CACNA2D3: variants seen among roughly 807,000 people sequenced by gnomAD.
CACNA2D3 encodes the protein voltage-dependent calcium channel subunit alpha-2/delta-3.
A neutral mutation model predicts 160.6 loss-of-function variants in CACNA2D3; 60 were observed. The ratio of observed to expected loss-of-function variants is 0.37; its 90% CI spans 0.30 to 0.46. The LOEUF is 0.46. Ranked by LOEUF, CACNA2D3 falls within the 20% of genes least tolerant of loss-of-function variation. The probability of loss-of-function intolerance (pLI) is 1.00; values close to 1 mark genes in which losing one functional copy is unlikely to be tolerated. For synonymous variants in CACNA2D3, 558 were observed against 492.9 expected, an observed-to-expected ratio of 1.13 and a Z score of -1.75; for missense variants, 1,205 against 1,365.0, an observed-to-expected ratio of 0.88 and a Z score of 1.85.
intron 35 of CACNA2D3, among the ~76,000 whole-genome samples, chr3:55,021,304 GTTTTC>G (rs1703438567): frequency 6.6e-6 from 1 of 151,888 alleles, no homozygotes; most frequent in African/African-American, 2.4e-5. Context: ...TGTTGATAGT[GTTTTC>G]TTTTGATTAA....
chr3:54,131,632 A>T (rs1175037926), intron 2 of CACNA2D3, among the ~76,000 whole-genome samples: 1 of 152,216 alleles, frequency 6.6e-6, no homozygotes, highest in Non-Finnish European at 1.5e-5. Flanking sequence ...AACAAGAGAG[A>T]CTTGGAATTT....
At chr3:54,642,919 C>G (rs1699554380) in intron 11 of CACNA2D3, among the ~76,000 whole-genome samples, 1 of 152,148 alleles carries the variant, frequency 6.6e-6, no homozygotes, top group Admixed American at 6.6e-5. Context: ...CCCCACCCCT[C>G]CAGCAGCAAA....
At chr3:54,251,811 G>A (rs1462236717) in intron 2 of CACNA2D3, among the ~76,000 whole-genome samples, 2 of 152,214 alleles carry the variant, frequency 1.3e-5, no homozygotes, top group African/African-American at 2.4e-5. Flanking sequence ...CTGGTTCCCA[G>A]AGGCTAGTTA....
At chr3:54,926,491 C>T (rs1701021671) in intron 27 of CACNA2D3, among the ~76,000 whole-genome samples, 1 of 140,670 alleles carries the variant, frequency 7.1e-6, no homozygotes, top group South Asian at 2.4e-4. Flanking sequence ...TACTGTGCTC[C>T]ACTGCCTGTC....
intron 35 of CACNA2D3, among the ~76,000 whole-genome samples, chr3:55,055,266 T>C (rs1011998147): frequency 1.3e-5 from 2 of 152,098 alleles, no homozygotes; most frequent in African/African-American, 4.8e-5. Flanking sequence ...AGTTTCATTC[T>C]TTTGCAAGTG....
intron 35 of CACNA2D3, among the ~76,000 whole-genome samples, chr3:55,058,272 A>G (rs1704415133): frequency 6.6e-6 from 1 of 152,196 alleles, no homozygotes; most frequent in African/African-American, 2.4e-5. Flanking sequence ...AAGCTACAAG[A>G]TATATTATTC....
intron 35 of CACNA2D3, among the ~76,000 whole-genome samples, chr3:55,030,376 A>G (rs1703663390): frequency 6.6e-6 from 1 of 152,196 alleles, no homozygotes; most frequent in Admixed American, 6.5e-5. Flanking sequence ...AGGCTGTGCT[A>G]ATCAGTCTTT....
chr3:54,413,381 T>C (rs1026444399), intron 4 of CACNA2D3, among the ~76,000 whole-genome samples: 1 of 148,508 alleles, frequency 6.7e-6, no homozygotes, highest in Non-Finnish European at 1.5e-5. Flanking sequence ...AGGATGTTTC[T>C]AGATGCATAT....
intron 12 of CACNA2D3, among the ~76,000 whole-genome samples, chr3:54,753,125 T>A (rs1227083984): frequency 6.6e-6 from 1 of 152,220 alleles, no homozygotes; most frequent in East Asian, 1.9e-4. Context: ...CCTCCCAAAG[T>A]GGCCTCATTA....
At chr3:54,829,252 G>A (rs144947588) in intron 14 of CACNA2D3, among the ~76,000 whole-genome samples, 31 of 152,258 alleles carry the variant, frequency 2.0e-4, no homozygotes, top group African/African-American at 7.5e-4. Context: ...TATCTCTACT[G>A]GGGGTGTGTC....
At chr3:54,829,666 A>G (rs1396041403) in intron 14 of CACNA2D3, among the ~76,000 whole-genome samples, 2 of 151,838 alleles carry the variant, frequency 1.3e-5, no homozygotes, top group Non-Finnish European at 2.9e-5. Context: ...TCCCAGCCTC[A>G]CCCCATTAAC....
intron 2 of CACNA2D3, among the ~76,000 whole-genome samples, chr3:54,224,556 T>G (rs1304119572): frequency 6.6e-6 from 1 of 152,124 alleles, no homozygotes; most frequent in South Asian, 2.1e-4. Flanking sequence ...TATAATCTTA[T>G]GAGACCACCG....
At chr3:54,962,667 T>G (rs1292027605) in intron 27 of CACNA2D3, among the ~76,000 whole-genome samples, 1 of 152,158 alleles carries the variant, frequency 6.6e-6, no homozygotes, top group African/African-American at 2.4e-5. Flanking sequence ...GGGTTTGCAA[T>G]CAGTTCTCGC....
chr3:54,153,294 G>A (rs1337830277), intron 2 of CACNA2D3, among the ~76,000 whole-genome samples: 1 of 152,224 alleles, frequency 6.6e-6, no homozygotes, highest in Non-Finnish European at 1.5e-5. Flanking sequence ...GTCAATGTCA[G>A]CAGCCTGCCT....
At chr3:54,140,393 T>C (rs572097646) in intron 2 of CACNA2D3, among the ~76,000 whole-genome samples, 7 of 152,368 alleles carry the variant, frequency 4.6e-5, no homozygotes, top group Middle Eastern at 6.8e-3. Context: ...CCAGGCGTTC[T>C]GAAGACCACT....
Position 54,500,518 on chromosome 3 carries a change from T to TA in CACNA2D3, c.382-2974_382-2973insA, listed in dbSNP as rs1406701913. Among the ~76,000 whole-genome samples the TA allele has an allele frequency of 2.2e-3, 315 of 146,462 alleles. 1 individual carries two copies. Among genetic ancestry groups the TA allele is most frequent in the Non-Finnish European group, 2.3e-3 (153 of 66,176 alleles). ...CTTCCTTCCTATCTTCCTTCCTTCCTTCCTTCCTTCCTTCCTTCCTTCCTT... is the reference window on the plus strand; with the variant it reads ...CTTCCTTCCTATCTTCCTTCCTTCCTATCCTTCCTTCCTTCCTTCCTTCCTT... On this transcript the variant is annotated intron_variant, in intron 4 of 37. Transcript: ENST00000474759.
At chr3:54,161,370 G>T (rs1287015218) in intron 2 of CACNA2D3, among the ~76,000 whole-genome samples, 2 of 152,178 alleles carry the variant, frequency 1.3e-5, no homozygotes, top group Admixed American at 6.5e-5. Context: ...AGCCAATTGA[G>T]ATTAAAATAT....
At chr3:54,896,535 A>G (rs1559621051) in intron 25 of CACNA2D3, 1 of 532,906 alleles carries the variant, frequency 1.9e-6, no homozygotes, top group Non-Finnish European at 3.4e-6. Context: ...AAATCATTTT[A>G]CCCACTCAGA....
chr3:54,993,530 C>A (rs1344891845), intron 31 of CACNA2D3, among the ~76,000 whole-genome samples: 1 of 152,082 alleles, frequency 6.6e-6, no homozygotes, highest in African/African-American at 2.4e-5. Context: ...GAAATGAGTT[C>A]AATATGGAGC....
Sources: gnomAD v4.1 joint callset for allele counts (sites outside exome capture counted in the v4.1 genomes callset) on GRCh38, gnomAD v4.1.1 for gene constraint, MANE v1.5 for transcripts, NCBI Gene and HGNC (gene_info 2026-07-23, HGNC 2026-07-21) for gene names.